The following BNC2 variants were observed in gnomAD, a reference collection of about 807,000 sequenced individuals.
The protein encoded by BNC2 is zinc finger protein basonuclin-2.
BNC2 carries 20 observed loss-of-function variants against 76.3 expected under a neutral mutation model. The observed-to-expected ratio is 0.26, with a 90% CI of 0.18 to 0.38. BNC2 has a LOEUF of 0.38. BNC2 is among the 10% of genes least tolerant of loss of function. The probability of loss-of-function intolerance (pLI) is 1.00; values close to 1 mark genes in which losing one functional copy is unlikely to be tolerated. For missense variants in BNC2, 1,382 were observed against 1,399.8 expected (o/e 0.99, Z 0.20); for synonymous variants, 582 against 514.8 (o/e 1.13, Z -1.77).
intron 5 of BNC2, among the ~76,000 whole-genome samples, chr9:16,540,763 C>G (rs1818295746): frequency 6.6e-6 from 1 of 152,138 alleles, no homozygotes; most frequent in South Asian, 2.1e-4. Context: ...CATTTACCCC[C>G]CTAATAAGAG....
At chr9:16,594,254 A>C (rs28490464) in intron 3 of BNC2, among the ~76,000 whole-genome samples, 15,560 of 152,190 alleles carry the variant, frequency 0.1, 1,120 homozygotes, top group African/African-American at 0.2. Context: ...CATGATTATC[A>C]CACACTTTGG....
chr9:16,684,489 A>T (rs1587313718), intron 3 of BNC2, among the ~76,000 whole-genome samples: 1 of 152,174 alleles, frequency 6.6e-6, no homozygotes, highest in Admixed American at 6.5e-5. Flanking sequence ...GGTACCATAA[A>T]AACTGAAACC....
chr9:16,738,480 G>A lies in BNC2; in HGVS notation c.9C>T (p.His3=), dbSNP rs781311953. The A allele has an allele frequency of 6.2e-7, 1 of 1,613,966 alleles. No individual in the cohort carries two copies. The highest frequency in any genetic ancestry group is 2.2e-5 in the East Asian group (1 of 44,882). MA[H]LGPTPPPHSL... Reference sequence around the variant, plus strand: ...TATGTGGAGGTGGGGTGGGCCCAAGGTGTGCCTATTGAGAGATTGGGAAAG... The same window carrying A: ...TATGTGGAGGTGGGGTGGGCCCAAGATGTGCCTATTGAGAGATTGGGAAAG... Residue 3 remains histidine (H), a synonymous_variant, in exon 2 of 7, where the codon CAC becomes CAT. Coordinates refer to ENST00000380672, the MANE Select transcript of BNC2 (RefSeq NM_017637.6).
intron 5 of BNC2, among the ~76,000 whole-genome samples, chr9:16,538,078 T>C (rs1818182679): frequency 6.6e-6 from 1 of 152,190 alleles, no homozygotes; most frequent in Admixed American, 6.5e-5. Flanking sequence ...TCCTAAAATA[T>C]GAACCTTAGC....
At chr9:16,501,569 G>C (rs1470060145) in intron 5 of BNC2, among the ~76,000 whole-genome samples, 1 of 152,082 alleles carries the variant, frequency 6.6e-6, no homozygotes, top group Non-Finnish European at 1.5e-5. Flanking sequence ...CTCTTGCAGA[G>C]CCTAATACAT....
At chr9:16,464,614 G>C (rs943729504) in intron 5 of BNC2, among the ~76,000 whole-genome samples, 1 of 151,988 alleles carries the variant, frequency 6.6e-6, no homozygotes, top group African/African-American at 2.4e-5. Flanking sequence ...TTTCTTCTCA[G>C]AATATTTTGA....
chr9:16,858,611 G>A (rs1224231131), intron 1 of BNC2, among the ~76,000 whole-genome samples: 8 of 152,192 alleles, frequency 5.3e-5, no homozygotes, highest in East Asian at 1.9e-4. Flanking sequence ...TTGGGAGGCC[G>A]AGGCGGGTGG....
At chr9:16,865,028 T>C (rs1320575563) in intron 1 of BNC2, among the ~76,000 whole-genome samples, 1 of 74,638 alleles carries the variant, frequency 1.3e-5, no homozygotes, top group Non-Finnish European at 3.0e-5. Context: ...ACGTCTGGCT[T>C]TGGACTGAAA....
chr9:16,729,695 G>A (rs1400060239), intron 2 of BNC2, among the ~76,000 whole-genome samples: 1 of 152,088 alleles, frequency 6.6e-6, no homozygotes, highest in Non-Finnish European at 1.5e-5. Context: ...TTGCTGGGGG[G>A]GAGGGCAGGA....
Position 16,552,742 on chromosome 9 carries a change from G to T in BNC2, c.457C>A (p.His153Asn), listed in dbSNP as rs1318858649. The T allele has an allele frequency of 6.2e-7, 1 of 1,614,130 alleles. No homozygotes were observed. Among genetic ancestry groups the T allele is most frequent in the Non-Finnish European group, 8.5e-7 (1 of 1,180,034 alleles). The change falls in exon 5 of 7, where the codon CAC (histidine) becomes AAC (asparagine). Residue 153 changes from histidine to asparagine, a missense_variant. Physicochemically the swap from His to Asn is moderately conservative, Grantham distance 68 (BLOSUM62 1). Transcript: ENST00000380672. Reference protein sequence around the residue: ...AHALDKLSTQHLYHPTQVEIV... With the variant: ...AHALDKLSTQNLYHPTQVEIV... Reference sequence around the variant, plus strand: ...TCCACTTGGGTGGGGTGGTACAGGTGCTGCGTGCTGAGCTTATCCAAGGCT... The same window carrying T: ...TCCACTTGGGTGGGGTGGTACAGGTTCTGCGTGCTGAGCTTATCCAAGGCT...
intron 3 of BNC2, among the ~76,000 whole-genome samples, chr9:16,707,764 C>A (rs564674992): frequency 6.6e-6 from 1 of 152,276 alleles, no homozygotes; most frequent in South Asian, 2.1e-4. Context: ...GCCTCAGCCT[C>A]CTGAGTAGCT....
intron 1 of BNC2, among the ~76,000 whole-genome samples, chr9:16,759,476 C>T (rs1825490317): frequency 6.6e-6 from 1 of 151,898 alleles, no homozygotes; most frequent in African/African-American, 2.4e-5. Flanking sequence ...AGTTTATAAA[C>T]TGAAATGAAA....
At chr9:16,453,436 C>T (rs1821382870) in intron 5 of BNC2, among the ~76,000 whole-genome samples, 3 of 152,168 alleles carry the variant, frequency 2.0e-5, no homozygotes. Context: ...CTTCTGAAAT[C>T]CAGGCCTGAA....
intron 3 of BNC2, among the ~76,000 whole-genome samples, chr9:16,704,297 ACGG>A (rs1823597244): frequency 6.6e-6 from 1 of 152,308 alleles, no homozygotes; most frequent in East Asian, 1.9e-4. Flanking sequence ...AGTGAATGAG[ACGG>A]CTAGAGTTTT....
At chr9:16,450,675 T>C (rs770644891) in intron 5 of BNC2, among the ~76,000 whole-genome samples, 18 of 152,222 alleles carry the variant, frequency 1.2e-4, no homozygotes, top group African/African-American at 3.9e-4. Context: ...GAAACATGCA[T>C]GTACACCATA....
At chr9:16,688,376 T>C (rs553613819) in intron 3 of BNC2, among the ~76,000 whole-genome samples, 3 of 152,196 alleles carry the variant, frequency 2.0e-5, no homozygotes, top group Non-Finnish European at 4.4e-5. Flanking sequence ...CAAAAAATGA[T>C]TGAAGAAAAA....
chr9:16,494,513 G>A (rs1478783635), intron 5 of BNC2, among the ~76,000 whole-genome samples: 2 of 152,136 alleles, frequency 1.3e-5, no homozygotes, highest in East Asian at 1.9e-4. Flanking sequence ...TGGTGTGGGT[G>A]AGGAAAGGCT....
At chr9:16,637,665 A>G (rs1244884689) in intron 3 of BNC2, among the ~76,000 whole-genome samples, 2 of 152,246 alleles carry the variant, frequency 1.3e-5, no homozygotes, top group Admixed American at 6.5e-5. Context: ...AGCCTCATGT[A>G]TTTCAAAGAT....
intron 5 of BNC2, among the ~76,000 whole-genome samples, chr9:16,460,143 T>A (rs943994480): frequency 2.6e-5 from 4 of 152,224 alleles, no homozygotes; most frequent in Admixed American, 6.5e-5. Context: ...GAAGTCATAA[T>A]TTAAAAGGCA....
Sources: gnomAD v4.1 joint callset for allele counts (sites outside exome capture counted in the v4.1 genomes callset) on GRCh38, gnomAD v4.1.1 for gene constraint, MANE v1.5 for transcripts, NCBI Gene and HGNC (gene_info 2026-07-23, HGNC 2026-07-21) for gene names.